Variants in PUM3 observed in about 807,000 individuals in gnomAD.
PUM3 encodes the protein pumilio homolog 3.
Under a neutral mutation model 84.0 loss-of-function variants are expected in PUM3, and 91 were observed. The ratio of observed to expected loss-of-function variants is 1.08; its 90% CI spans 0.91 to 1.29. The LOEUF is 1.29. Among genes scored for constraint, PUM3 ranks in the 50% most tolerant of loss-of-function variants. PUM3 has a pLI of 0.00. For missense variants in PUM3, 1,067 were observed against 767.5 expected (o/e 1.39, Z -4.61); for synonymous variants, 321 against 266.7 (o/e 1.20, Z -1.98).
intron 7 of PUM3, 151 bp downstream of exon 7, chr9:2,830,811 G>A (rs374849912): frequency 9.0e-6 from 5 of 558,106 alleles, no homozygotes; most frequent in South Asian, 4.5e-5. Context: ...TATTTAAGAT[G>A]ATACTCTCTA....
At chr9:2,830,892 C>G (rs897307909) in intron 7 of PUM3, 70 bp downstream of exon 7, 4 of 787,124 alleles carry the variant, frequency 5.1e-6, no homozygotes, top group Admixed American at 4.9e-5. Flanking sequence ...TATCTCGCAT[C>G]TGAGCACAGT....
intron 1 of PUM3, among the ~76,000 whole-genome samples, chr9:2,841,131 G>C (rs942797393): frequency 3.3e-5 from 5 of 152,140 alleles, no homozygotes; most frequent in African/African-American, 1.2e-4. Flanking sequence ...TGAGCAACCT[G>C]CTTCCCACCA....
rs780715889 is a variant in PUM3 at position 2,837,161 on chromosome 9, T to C, written c.304+19A>G. The C allele has an allele frequency of 6.2e-7, 1 of 1,606,334 alleles. No individual in the cohort carries two copies. The highest frequency in any genetic ancestry group is 8.5e-7 in the Non-Finnish European group (1 of 1,173,132). On this transcript the variant is annotated intron_variant, in intron 3 of 17. Coordinates refer to ENST00000397885, the MANE Select transcript of PUM3 (RefSeq NM_014878.5). ...AATCGTTCAGGCACTAGTTCAGGCA[T>C]GAACGAACCAGTACTTACCATCGCT...
chr9:2,807,886 A>G lies in PUM3; in HGVS notation c.1742T>C (p.Leu581Pro), dbSNP rs1235159662. The G allele has an allele frequency of 1.9e-6, 3 of 1,612,978 alleles. No homozygotes were observed. The highest frequency in any genetic ancestry group is 1.7e-4 in the Middle Eastern group (1 of 6,060). ...GTTCTTCATACCAACATGCTCTACA[A>G]GTGTTTTTGCAAAACAACCTGTAAA... ...NGREGCFAKTLVEHVGMKNLK... is the reference protein window; with the variant it reads ...NGREGCFAKTPVEHVGMKNLK... The change falls in exon 17 of 18, where the codon CTT (leucine) becomes CCT (proline). Residue 581 changes from leucine to proline, a missense_variant. By Grantham distance (98) the Leu-to-Pro change is moderately conservative. Coordinates refer to ENST00000397885, the MANE Select transcript of PUM3 (RefSeq NM_014878.5).
chr9:2,806,885 C>G (rs781364908), intron 17 of PUM3, among the ~76,000 whole-genome samples: 1 of 152,130 alleles, frequency 6.6e-6, no homozygotes, highest in Non-Finnish European at 1.5e-5. Context: ...AACATTGTCA[C>G]AGTTTTCACA....
chr9:2,834,258 G>A (rs1341034937), intron 3 of PUM3, 92 bp from the exon 4 acceptor site: 2 of 1,062,212 alleles, frequency 1.9e-6, no homozygotes, highest in Non-Finnish European at 2.7e-6. Context: ...TCACTAATCA[G>A]GATCAATGCT....
intron 9 of PUM3, among the ~76,000 whole-genome samples, chr9:2,827,441 G>C (rs1294380574): frequency 6.6e-6 from 1 of 152,136 alleles, no homozygotes; most frequent in Non-Finnish European, 1.5e-5. Context: ...TATTAAATAA[G>C]GACATCTACA....
intron 17 of PUM3, among the ~76,000 whole-genome samples, chr9:2,805,067 CATGCTA>C (rs1821233503): frequency 6.6e-6 from 1 of 152,166 alleles, no homozygotes; most frequent in Admixed American, 6.5e-5. Context: ...CAACCAAGAG[CATGCTA>C]TGTAAACTCT....
At chr9:2,823,401 G>A (rs1475971648) in intron 12 of PUM3, among the ~76,000 whole-genome samples, 1 of 152,006 alleles carries the variant, frequency 6.6e-6, no homozygotes, top group Non-Finnish European at 1.5e-5. Context: ...TCAAGTTTCT[G>A]AAGTGCAATC....
intron 1 of PUM3, among the ~76,000 whole-genome samples, chr9:2,841,213 C>T (rs563217709): frequency 6.6e-6 from 1 of 152,290 alleles, no homozygotes; most frequent in African/African-American, 2.4e-5. Context: ...ACCTGTACCC[C>T]GTGAGAAATA....
At chr9:2,812,153 C>G in intron 14 of PUM3, 67 bp downstream of exon 14, 1 of 1,381,092 alleles carries the variant, frequency 7.2e-7, no homozygotes, top group Non-Finnish European at 1.0e-6. Context: ...AAGTGGACTT[C>G]TGGAAGAATG....
chr9:2,843,722 G>A (rs947691940), intron 1 of PUM3, among the ~76,000 whole-genome samples: 1 of 151,868 alleles, frequency 6.6e-6, no homozygotes, highest in Non-Finnish European at 1.5e-5. Flanking sequence ...GGGACCACAG[G>A]CGCCCGCCAC....
chr9:2,805,128 AG>A (rs1821234542), intron 17 of PUM3, among the ~76,000 whole-genome samples: 1 of 152,228 alleles, frequency 6.6e-6, no homozygotes, highest in African/African-American at 2.4e-5. Flanking sequence ...TTCACAACAG[AG>A]TCCACCTTCC....
chr9:2,827,599 A>G (rs1254062735), intron 9 of PUM3, among the ~76,000 whole-genome samples: 2 of 152,180 alleles, frequency 1.3e-5, no homozygotes, highest in African/African-American at 4.8e-5. Context: ...TGAACCAAAC[A>G]TTGTCAGCAA....
At chr9:2,830,642 G>C (rs1393780898) in intron 7 of PUM3, among the ~76,000 whole-genome samples, 1 of 152,118 alleles carries the variant, frequency 6.6e-6, no homozygotes, top group Non-Finnish European at 1.5e-5. Context: ...CTTATCTGTT[G>C]CTCACTCTGT....
chr9:2,829,688 AT>A, intron 8 of PUM3, 85 bp downstream of exon 8: 3 of 1,125,298 alleles, frequency 2.7e-6, no homozygotes, highest in Non-Finnish European at 3.8e-6. Flanking sequence ...GTAAAAATAC[AT>A]TCAAAAGATA....
intron 6 of PUM3, 69 bp downstream of exon 6, chr9:2,831,182 T>C: frequency 8.4e-7 from 1 of 1,192,696 alleles, no homozygotes; most frequent in South Asian, 1.3e-5. Flanking sequence ...AGGACAGTCT[T>C]GGGTATTTTA....
chr9:2,820,070 G>A lies in PUM3; in HGVS notation c.1217C>T (p.Ala406Val), dbSNP rs772602035. The A allele has an allele frequency of 3.3e-5, 54 of 1,612,002 alleles. No individual in the cohort carries two copies. The highest frequency in any genetic ancestry group is 1.6e-4 in the East Asian group (7 of 44,814). The change falls in exon 13 of 18, where the codon GCG (alanine) becomes GTG (valine). Residue 406 changes from alanine to valine, a missense_variant. Ala to Val is a moderately conservative substitution (Grantham distance 64). Transcript: ENST00000397885. ...NGQYSHLVLL[A>V]AFDCIDDTKL... The stretch of plus-strand genomic sequence containing the variant: ...AGTATCATCAATACAATCAAATGCC[G>A]CCAGTAAAACCAAATGGGAGTATTG...
Position 2,835,300 on chromosome 9 carries a change from C to A in PUM3, c.305-1134G>T, listed in dbSNP as rs147833251. Among the ~76,000 whole-genome samples, 428 of 152,224 alleles carry A rather than the reference C, an allele frequency of 2.8e-3. 3 individuals carry two copies. Among genetic ancestry groups the A allele is most frequent in the African/African-American group, 9.8e-3 (407 of 41,536 alleles). On this transcript the variant is annotated intron_variant, in intron 3 of 17. Transcript: ENST00000397885. ...GGGTGTGGTGGTACATGCCTGCAGT[C>A]CCAGCTACTTGGGAGGCTGAGGCAG...
Sources: allele counts gnomAD v4.1 joint callset (sites outside exome capture counted in the v4.1 genomes callset), GRCh38; gene constraint gnomAD v4.1.1; transcripts MANE v1.5; gene names NCBI Gene and HGNC (gene_info 2026-07-23, HGNC 2026-07-21).